SOAT2: variants seen among roughly 807,000 people sequenced by gnomAD.
The protein encoded by SOAT2 is sterol O-acyltransferase 2.
A neutral mutation model predicts 76.0 loss-of-function variants in SOAT2; 87 were observed. The ratio of observed to expected loss-of-function variants is 1.14; its 90% CI spans 0.96 to 1.37. The LOEUF (loss-of-function observed/expected upper bound fraction) is 1.37. Among genes scored for constraint, SOAT2 ranks in the 40% most tolerant of loss-of-function variants. The pLI is 0.00. For missense variants in SOAT2, 686 were observed against 682.1 expected (o/e 1.01, Z -0.06); for synonymous variants, 285 against 275.4 (o/e 1.03, Z -0.34).
chr12:53,116,055 A>G, intron 6 of SOAT2, 42 bp from the exon 7 acceptor site: 1 of 1,571,926 alleles, frequency 6.4e-7, no homozygotes, highest in South Asian at 1.1e-5. Context: ...GATTTGCTTA[A>G]AGCCACACAG....
chr12:53,104,988 G>GT (rs112056253), intron 2 of SOAT2, 119 bp from the exon 3 acceptor site: 34,142 of 971,544 alleles, frequency 0.035, 63 homozygotes, highest in African/African-American at 0.063. Flanking sequence ...CCCCCAGGTT[G>GT]TTTTTTTTTT....
Position 53,123,809 on chromosome 12 carries a change from A to G in SOAT2, c.1454A>G (p.Gln485Arg). ...ATGTGGACCATGCTGTTTCTAGGCCAGGGAATCCAGGTCAGCCTGTACTGC... is the reference window on the plus strand; with the variant it reads ...ATGTGGACCATGCTGTTTCTAGGCCGGGGAATCCAGGTCAGCCTGTACTGC... ...VLMWTMLFLGQGIQVSLYCQE... is the reference protein window; with the variant it reads ...VLMWTMLFLGRGIQVSLYCQE... Residue 485 changes from glutamine (Q) to arginine (R), a missense_variant, in exon 14 of 15, where the codon CAG becomes CGG. Gln to Arg is a conservative substitution (Grantham distance 43). Coordinates refer to ENST00000301466, the MANE Select transcript of SOAT2 (RefSeq NM_003578.4). 2.5e-6 allele frequency: 4 copies of G among 1,614,172 alleles called. No individual in the cohort carries two copies. The highest frequency in any genetic ancestry group is 3.4e-6 in the Non-Finnish European group (4 of 1,180,028).
chr12:53,120,281 A>G (rs532932353), intron 10 of SOAT2, among the ~76,000 whole-genome samples: 140 of 152,258 alleles, frequency 9.2e-4, no homozygotes, highest in Non-Finnish European at 1.6e-3. Context: ...CATCCTGGCT[A>G]ACACGGTGAA....
intron 9 of SOAT2, 63 bp from the exon 10 acceptor site, chr12:53,119,061 G>A: frequency 1.2e-6 from 2 of 1,611,764 alleles, no homozygotes; most frequent in Non-Finnish European, 1.7e-6. Flanking sequence ...CTGGGCCAGA[G>A]GTCAATGCCA....
chr12:53,117,095 A>G (rs979862754), intron 7 of SOAT2, among the ~76,000 whole-genome samples: 4 of 149,632 alleles, frequency 2.7e-5, no homozygotes, highest in African/African-American at 9.9e-5. Flanking sequence ...AGTAGCTGGG[A>G]TTATAGGTGT....
At chr12:53,122,641 G>C (rs1470607254) in intron 12 of SOAT2, among the ~76,000 whole-genome samples, 1 of 151,788 alleles carries the variant, frequency 6.6e-6, no homozygotes, top group Non-Finnish European at 1.5e-5. Flanking sequence ...GAGAGCACAG[G>C]GTTGGGGGTA....
intron 8 of SOAT2, 95 bp downstream of exon 8, chr12:53,118,529 C>A (rs993640560): frequency 1.2e-6 from 1 of 839,080 alleles, no homozygotes; most frequent in Non-Finnish European, 2.0e-6. Flanking sequence ...TCACCTCAGG[C>A]ACTGGCCACT....
At chr12:53,117,173 G>A (rs1938117393) in intron 7 of SOAT2, among the ~76,000 whole-genome samples, 1 of 151,494 alleles carries the variant, frequency 6.6e-6, no homozygotes, top group Non-Finnish European at 1.5e-5. Context: ...GTTGGCCAGG[G>A]TGGTCTCGAA....
intron 5 of SOAT2, among the ~76,000 whole-genome samples, chr12:53,114,598 G>C (rs955920367): frequency 2.6e-5 from 4 of 152,146 alleles, no homozygotes; most frequent in African/African-American, 7.2e-5. Context: ...GTGCAAGCCT[G>C]TAGTCCCAGC....
At position 53,105,894 on chromosome 12, in the gene SOAT2, CCT is replaced by C. The variant is rs1276291903; in HGVS notation, c.336-12_336-11del. ...ACCCTCCCACACTGACTTTCGGGCC[CCT>C]GTCCCTCTAGTGAGCTGATGGAGGT... On this transcript the variant is annotated splice_polypyrimidine_tract_variant and intron_variant, in intron 4 of 14. Transcript: ENST00000301466. 3.5e-6 allele frequency: 5 copies of C among 1,415,440 alleles called. No homozygotes were observed. Among genetic ancestry groups the C allele is most frequent in the Admixed American group, 2.0e-5 (1 of 48,900 alleles). The allele number at this position is 1,415,440 out of a possible 1,614,324, so 87.7% of individuals were successfully genotyped here.
chr12:53,104,037 G>C, intron 1 of SOAT2, 114 bp from the exon 2 acceptor site: 1 of 902,568 alleles, frequency 1.1e-6, no homozygotes, highest in South Asian at 1.3e-5. Context: ...ATATTGGCTG[G>C]TTGGGGTGAG....
intron 5 of SOAT2, among the ~76,000 whole-genome samples, chr12:53,108,133 C>T (rs1937963475): frequency 1.3e-5 from 2 of 152,138 alleles, no homozygotes; most frequent in African/African-American, 4.8e-5. Context: ...TAAAGCCGAG[C>T]CCAGCCATGG....
chr12:53,114,291 G>A (rs1420863398), intron 5 of SOAT2, among the ~76,000 whole-genome samples: 1 of 151,848 alleles, frequency 6.6e-6, no homozygotes, highest in Non-Finnish European at 1.5e-5. Flanking sequence ...TCTACTGCTA[G>A]GTTTGCATAA....
intron 5 of SOAT2, among the ~76,000 whole-genome samples, chr12:53,106,254 A>G (rs1402883633): frequency 2.6e-5 from 4 of 152,028 alleles, no homozygotes; most frequent in African/African-American, 7.3e-5. Context: ...ATGCTTCTCA[A>G]TGACACCTTG....
intron 5 of SOAT2, among the ~76,000 whole-genome samples, chr12:53,113,895 C>A (rs1286357384): frequency 6.6e-6 from 1 of 152,156 alleles, no homozygotes; most frequent in Non-Finnish European, 1.5e-5. Flanking sequence ...CCTGCTAAAT[C>A]ACAGAGGTTT....
At chr12:53,115,744 C>T (rs1052394828) in intron 6 of SOAT2, 90 bp downstream of exon 6, 1 of 1,389,046 alleles carries the variant, frequency 7.2e-7, no homozygotes, top group Non-Finnish European at 9.4e-7. Flanking sequence ...GGGGGCGGGG[C>T]CCACGAGAGG....
At chr12:53,113,512 C>T (rs1428876983) in intron 5 of SOAT2, among the ~76,000 whole-genome samples, 2 of 152,186 alleles carry the variant, frequency 1.3e-5, no homozygotes, top group African/African-American at 2.4e-5. Context: ...AGCACCATCC[C>T]GGTCTCTCCT....
chr12:53,108,219 G>A (rs988702346), intron 5 of SOAT2, among the ~76,000 whole-genome samples: 5 of 152,074 alleles, frequency 3.3e-5, no homozygotes, highest in African/African-American at 1.2e-4. Context: ...GGGGTTCCTG[G>A]CCTGTCAGAA....
intron 2 of SOAT2, 146 bp from the exon 3 acceptor site, chr12:53,104,961 C>A: frequency 2.3e-6 from 2 of 882,406 alleles, no homozygotes; most frequent in Non-Finnish European, 1.7e-6. Context: ...CACCACTGAA[C>A]CCCCATCCCT....
Sources: allele counts gnomAD v4.1 joint callset (sites outside exome capture counted in the v4.1 genomes callset), GRCh38; gene constraint gnomAD v4.1.1; transcripts MANE v1.5; gene names NCBI Gene and HGNC (gene_info 2026-07-23, HGNC 2026-07-21).